Variants in JDP2 observed in about 807,000 individuals in gnomAD.
The protein encoded by JDP2 is Jun dimerization protein 2, also known as progesterone receptor co-activator.
A neutral mutation model predicts 17.1 loss-of-function variants in JDP2; 9 were observed. The observed-to-expected ratio is 0.53, with a 90% confidence interval of 0.32 to 0.92. The LOEUF (loss-of-function observed/expected upper bound fraction) is 0.92. JDP2 is among the 40% of genes least tolerant of loss of function. The probability of loss-of-function intolerance (pLI) is 0.04; values close to 1 mark genes in which losing one functional copy is unlikely to be tolerated. For synonymous variants in JDP2, 107 were observed against 95.6 expected, an observed-to-expected ratio of 1.12 and a Z score of -0.69; for missense variants, 179 against 220.0, an observed-to-expected ratio of 0.81 and a Z score of 1.18.
chr14:75,449,601 A>G (rs1055649255), intron 2 of JDP2, among the ~76,000 whole-genome samples: 19 of 152,194 alleles, frequency 1.2e-4, no homozygotes, highest in African/African-American at 4.3e-4. Flanking sequence ...TTTTGAAGTG[A>G]CTGTCAATTG....
intron 2 of JDP2, among the ~76,000 whole-genome samples, chr14:75,442,370 G>A (rs1885395301): frequency 6.6e-6 from 1 of 152,136 alleles, no homozygotes; most frequent in African/African-American, 2.4e-5. Flanking sequence ...TGCTGTATTT[G>A]TATACAGCCT....
intron 2 of JDP2, among the ~76,000 whole-genome samples, chr14:75,440,347 G>A (rs1885284905): frequency 6.6e-6 from 1 of 152,218 alleles, no homozygotes. Context: ...AGACCCCAGG[G>A]GCGGGAAGAG....
At chr14:75,462,564 T>A (rs1439861725) in intron 3 of JDP2, among the ~76,000 whole-genome samples, 1 of 152,196 alleles carries the variant, frequency 6.6e-6, no homozygotes, top group East Asian at 1.9e-4. Flanking sequence ...TCTGCTATAT[T>A]GGCATTCATT....
In JDP2 at chr14:75,438,038, A is replaced by G; in HGVS notation, c.118A>G (p.Ile40Val). 1.2e-6 allele frequency: 2 copies of G among 1,614,028 alleles called. No individual in the cohort carries two copies. Among genetic ancestry groups the G allele is most frequent in the Admixed American group, 1.7e-5 (1 of 60,010 alleles). ...LTVEELKYAD[I>V]RNLGAMIAPL... The stretch of plus-strand genomic sequence containing the variant: ...TGTGGAGGAGCTGAAATACGCTGAC[A>G]TCCGCAACCTCGGGGCCATGATTGC... The change falls in exon 2 of 4, where the codon ATC becomes GTC. Residue 40 changes from isoleucine (I) to valine (V), a missense_variant. Ile to Val is a conservative substitution (Grantham distance 29). Coordinates refer to ENST00000651602, the MANE Select transcript of JDP2 (RefSeq NM_001135048.2).
rs117416846 is a variant in JDP2, at chr14:75,430,917, G to A, written c.-24+2665G>A. 3.2e-4 allele frequency among the ~76,000 whole-genome samples: 48 copies of A among 152,250 alleles called. No individual in the cohort carries two copies. Among genetic ancestry groups the A allele is most frequent in the East Asian group, 2.7e-3 (14 of 5,182 alleles). ...GTTTCTTTACTTATTGCTGGCTGTGGGAGGCCTGGCCAGAGCCCACCATTC... is the reference window on the plus strand; with the variant it reads ...GTTTCTTTACTTATTGCTGGCTGTGAGAGGCCTGGCCAGAGCCCACCATTC... On this transcript the variant is annotated intron_variant, in intron 1 of 3. Transcript: ENST00000651602. This position sits in a 1 kb window ranked among gnomAD's most constrained non-coding sequence, Gnocchi z 4.5.
At chr14:75,460,925 G>A (rs1886322996) in intron 2 of JDP2, among the ~76,000 whole-genome samples, 1 of 152,198 alleles carries the variant, frequency 6.6e-6, no homozygotes, top group African/African-American at 2.4e-5. Context: ...TCTGGAGGTT[G>A]TGAAGTCCAA....
intron 2 of JDP2, among the ~76,000 whole-genome samples, chr14:75,459,249 C>T (rs142668194): frequency 2.0e-5 from 3 of 152,318 alleles, no homozygotes; most frequent in East Asian, 1.9e-4. Context: ...CCTGTCGTCA[C>T]GGTTACCTTG....
chr14:75,437,713 G>C (rs1045149370), intron 1 of JDP2, among the ~76,000 whole-genome samples, 185 bp from the exon 2 acceptor site: 1 of 152,266 alleles, frequency 6.6e-6, no homozygotes, highest in Non-Finnish European at 1.5e-5. Flanking sequence ...ACCTTGGTGT[G>C]AGTTAATTGA....
At chr14:75,432,611 G>A (rs1884860340) in intron 1 of JDP2, among the ~76,000 whole-genome samples, 1 of 152,126 alleles carries the variant, frequency 6.6e-6, no homozygotes, top group African/African-American at 2.4e-5. Flanking sequence ...ACCTTAGACC[G>A]CACCCACGTG....
At chr14:75,436,299 G>A (rs1011545249) in intron 1 of JDP2, among the ~76,000 whole-genome samples, 2 of 152,188 alleles carry the variant, frequency 1.3e-5, no homozygotes, top group African/African-American at 4.8e-5. Context: ...GAGAGCCCAA[G>A]AACCATGTGG....
intron 2 of JDP2, among the ~76,000 whole-genome samples, chr14:75,443,255 G>A (rs191964482): frequency 1.6e-3 from 245 of 152,288 alleles, no homozygotes; most frequent in African/African-American, 5.5e-3. Flanking sequence ...AGAAAAAGTT[G>A]CCCCAAACCA....
At chr14:75,459,582 T>C (rs10130710) in intron 2 of JDP2, among the ~76,000 whole-genome samples, 58,376 of 152,092 alleles carry the variant, frequency 0.38, 11,666 homozygotes, top group South Asian at 0.45. Context: ...ATGCTGGGAG[T>C]GTGCAGAGAG....
intron 2 of JDP2, among the ~76,000 whole-genome samples, chr14:75,457,992 G>A (rs1050134832): frequency 6.6e-6 from 1 of 152,206 alleles, no homozygotes; most frequent in South Asian, 2.1e-4. Flanking sequence ...ATTCATCTGA[G>A]TGACATTTGT....
intron 2 of JDP2, among the ~76,000 whole-genome samples, chr14:75,439,613 A>G (rs188715174): frequency 2.6e-5 from 4 of 152,330 alleles, no homozygotes; most frequent in East Asian, 1.9e-4. Flanking sequence ...ATTTGTGCTC[A>G]AGACACGTGG....
chr14:75,434,470 A>G (rs1884970181), intron 1 of JDP2, among the ~76,000 whole-genome samples: 3 of 152,152 alleles, frequency 2.0e-5, no homozygotes, highest in South Asian at 4.1e-4. Flanking sequence ...TACAAAGGAA[A>G]GACTAGTGCC....
chr14:75,434,089 T>A (rs572857089), intron 1 of JDP2, among the ~76,000 whole-genome samples: 28 of 152,334 alleles, frequency 1.8e-4, no homozygotes, highest in African/African-American at 6.5e-4. Flanking sequence ...TTCCTTGAAG[T>A]GGGTAAGTTC....
intron 1 of JDP2, among the ~76,000 whole-genome samples, chr14:75,437,558 A>C (rs1223605692): frequency 1.3e-5 from 2 of 152,216 alleles, no homozygotes; most frequent in Non-Finnish European, 2.9e-5. Flanking sequence ...TCCTCTGTGT[A>C]ATGACCTCTG....
chr14:75,461,740 G>A (rs1447378201), intron 3 of JDP2, among the ~76,000 whole-genome samples: 1 of 152,124 alleles, frequency 6.6e-6, no homozygotes, highest in African/African-American at 2.4e-5. Context: ...AGCAGTTCCT[G>A]CCCACACAAC....
intron 3 of JDP2, among the ~76,000 whole-genome samples, chr14:75,464,428 T>A (rs528721672): frequency 2.0e-5 from 3 of 152,346 alleles, no homozygotes; most frequent in African/African-American, 7.2e-5. Flanking sequence ...GTACTGTTTA[T>A]TCCCTAAACA....
Sources: allele counts gnomAD v4.1 joint callset (sites outside exome capture counted in the v4.1 genomes callset), GRCh38; gene constraint gnomAD v4.1.1; non-coding constraint Gnocchi (gnomAD v3.1); transcripts MANE v1.5; gene names NCBI Gene and HGNC (gene_info 2026-07-23, HGNC 2026-07-21).